The following PRKG1 variants were observed in gnomAD, a reference collection of about 807,000 sequenced individuals.
The protein encoded by PRKG1 is cGMP-dependent protein kinase 1.
Under a neutral mutation model 88.1 loss-of-function variants are expected in PRKG1, and 35 were observed. The ratio of observed to expected loss-of-function variants is 0.40; its 90% CI spans 0.30 to 0.53. The LOEUF is 0.53. PRKG1 is among the 20% of genes least tolerant of loss of function. The pLI is 0.59. For missense variants in PRKG1, 540 were observed against 839.8 expected (o/e 0.64, Z 4.41); for synonymous variants, 303 against 292.5 (o/e 1.04, Z -0.37).
At chr10:52,110,757 T>A (rs1326308288) in intron 7 of PRKG1, among the ~76,000 whole-genome samples, 4 of 152,164 alleles carry the variant, frequency 2.6e-5, no homozygotes, top group South Asian at 2.1e-4. Flanking sequence ...ATTCACATAG[T>A]TGGTACCACT....
At chr10:52,031,755 AG>A (rs1463146852) in intron 5 of PRKG1, among the ~76,000 whole-genome samples, 1 of 152,214 alleles carries the variant, frequency 6.6e-6, no homozygotes, top group African/African-American at 2.4e-5. Context: ...ATAATCTCTA[AG>A]AACAAAAGGT....
intron 4 of PRKG1, among the ~76,000 whole-genome samples, chr10:51,887,831 T>C (rs967075137): frequency 1.3e-5 from 2 of 152,206 alleles, no homozygotes; most frequent in Non-Finnish European, 2.9e-5. Flanking sequence ...CTCCTTTATA[T>C]TGGACATTAA....
chr10:51,220,630 A>G (rs915347870), intron 2 of PRKG1, among the ~76,000 whole-genome samples: 3 of 152,186 alleles, frequency 2.0e-5, no homozygotes, highest in Non-Finnish European at 4.4e-5. Context: ...GATCAACAGC[A>G]TTTTATTCAT....
chr10:52,008,662 G>T (rs1254377985), intron 5 of PRKG1, among the ~76,000 whole-genome samples: 1 of 151,970 alleles, frequency 6.6e-6, no homozygotes, highest in Non-Finnish European at 1.5e-5. Context: ...AGTCCAGTTG[G>T]ATTCACAGCC....
At chr10:51,274,846 A>C (rs747016224) in intron 2 of PRKG1, among the ~76,000 whole-genome samples, 1 of 152,252 alleles carries the variant, frequency 6.6e-6, no homozygotes, top group Non-Finnish European at 1.5e-5. Context: ...AAAAGTGGGC[A>C]GTATAGTCCC....
intron 3 of PRKG1, among the ~76,000 whole-genome samples, chr10:51,665,642 G>T (rs546384262): frequency 6.6e-6 from 1 of 151,424 alleles, no homozygotes; most frequent in Non-Finnish European, 1.5e-5. Flanking sequence ...TGAATTTTGT[G>T]GTTTTTGAAA....
At chr10:52,119,603 ATT>A in intron 7 of PRKG1, among the ~76,000 whole-genome samples, 1 of 152,178 alleles carries the variant, frequency 6.6e-6, no homozygotes, top group Non-Finnish European at 1.5e-5. Context: ...GTGAATAAAT[ATT>A]TTTCAGCCCT....
At chr10:52,288,572 A>G (rs1316502152) in intron 14 of PRKG1, among the ~76,000 whole-genome samples, 154 bp from the exon 15 acceptor site, 1 of 152,138 alleles carries the variant, frequency 6.6e-6, no homozygotes, top group Non-Finnish European at 1.5e-5. Flanking sequence ...GGGCTTCCAC[A>G]CTGTTTTGCT....
At chr10:52,117,886 T>C (rs562435364) in intron 7 of PRKG1, among the ~76,000 whole-genome samples, 6 of 152,128 alleles carry the variant, frequency 3.9e-5, no homozygotes, top group Non-Finnish European at 5.9e-5. Context: ...AGGTAGGAGA[T>C]TGTATACATA....
rs3812669 is a variant in PRKG1 at position 51,633,216 on chromosome 10, A to G, written c.592+165380A>G. On this transcript the variant is annotated intron_variant, in intron 3 of 17. Transcript: ENST00000373980. ...GAGGCAACCACTCACATATTTTAAA[A>G]TAATAATAATAATTCTCTTGGAATT... 2.4e-3 allele frequency among the ~76,000 whole-genome samples: 369 copies of G among 152,248 alleles called. 8 individuals are homozygous for G. The East Asian group carries it at 0.065, about 27-fold the overall frequency.
rs975874622 is a variant in PRKG1 at position 51,979,969 on chromosome 10, C to A, written c.762+72399C>A. Among the ~76,000 whole-genome samples, 11 of 151,818 alleles carry A rather than the reference C, an allele frequency of 7.2e-5. No homozygotes were observed. In the East Asian group the frequency reaches 2.1e-3, roughly 29 times the overall value. ...TGATCCTTTGAAAGGGTTTTTGTGT[C>A]CCAGTCTCCATCAATTCAGTCCTGA... is the stretch of plus-strand genomic sequence containing the variant. On this transcript the variant is annotated intron_variant, in intron 5 of 17. Transcript: ENST00000373980.
chr10:51,823,889 TTTA>T (rs1481565573), intron 4 of PRKG1, among the ~76,000 whole-genome samples: 1 of 147,294 alleles, frequency 6.8e-6, no homozygotes, highest in African/African-American at 2.5e-5. Context: ...TTTTTTTTTT[TTTA>T]AGACAAGATC....
chr10:51,668,401 C>T (rs1326808925), intron 3 of PRKG1, among the ~76,000 whole-genome samples: 1 of 152,152 alleles, frequency 6.6e-6, no homozygotes, highest in Non-Finnish European at 1.5e-5. Flanking sequence ...ATAATTTGCT[C>T]AAACAATTTG....
At chr10:51,636,120 TA>T (rs1225801095) in intron 3 of PRKG1, among the ~76,000 whole-genome samples, 2 of 152,186 alleles carry the variant, frequency 1.3e-5, no homozygotes, top group Non-Finnish European at 2.9e-5. Context: ...CTTTAAAGCA[TA>T]AGCTGCTTTA....
intron 5 of PRKG1, among the ~76,000 whole-genome samples, chr10:52,027,945 C>T (rs189454143): frequency 1.9e-4 from 29 of 152,238 alleles, no homozygotes; most frequent in South Asian, 4.1e-4. Flanking sequence ...CCTGCCACCA[C>T]GCCCAGCTAA....
chr10:51,735,854 C>CATATATATATATATATAT (rs146700314), intron 3 of PRKG1, among the ~76,000 whole-genome samples: 1 of 114,200 alleles, frequency 8.8e-6, no homozygotes, highest in African/African-American at 3.4e-5. Flanking sequence ...GGCCTGACTG[C>CATATATATATATATATAT]ATATATATAT....
chr10:51,852,507 G>A (rs1477093990), intron 4 of PRKG1, among the ~76,000 whole-genome samples: 1 of 152,034 alleles, frequency 6.6e-6, no homozygotes, highest in African/African-American at 2.4e-5. Flanking sequence ...TGTGGTAGCT[G>A]GTGACATGTA....
chr10:51,615,112 T>G (rs914226978), intron 3 of PRKG1, among the ~76,000 whole-genome samples: 3 of 149,324 alleles, frequency 2.0e-5, no homozygotes, highest in African/African-American at 7.4e-5. Flanking sequence ...TATATTCAAC[T>G]TTGAATATAT....
chr10:52,290,385 ATTAAG>A, intron 17 of PRKG1, 95 bp downstream of exon 17: 3 of 1,062,652 alleles, frequency 2.8e-6, no homozygotes, highest in South Asian at 1.8e-5. Context: ...TAATCCTATG[ATTAAG>A]TTAAACAAAC....
Sources: allele counts gnomAD v4.1 joint callset (sites outside exome capture counted in the v4.1 genomes callset), GRCh38; gene constraint gnomAD v4.1.1; transcripts MANE v1.5; gene names NCBI Gene and HGNC (gene_info 2026-07-23, HGNC 2026-07-21).